The following CPEB3 variants were observed in gnomAD, a reference collection of about 807,000 sequenced individuals.
CPEB3 encodes cytoplasmic polyadenylation element binding protein 3.
A neutral mutation model predicts 67.2 loss-of-function variants in CPEB3; 20 were observed. The ratio of observed to expected loss-of-function variants is 0.30; its 90% confidence interval spans 0.21 to 0.43. The LOEUF (loss-of-function observed/expected upper bound fraction) is 0.43, where lower values mean the gene tolerates loss of function less well. CPEB3 is among the 20% of genes least tolerant of loss of function. CPEB3 has a pLI of 1.00. For missense variants in CPEB3, 746 were observed against 968.6 expected, an observed-to-expected ratio of 0.77 and a Z score of 3.05; for synonymous variants, 376 against 393.1, an observed-to-expected ratio of 0.96 and a Z score of 0.51.
chr10:92,237,438 T>C (rs752315009), intron 2 of CPEB3, among the ~76,000 whole-genome samples: 16 of 152,226 alleles, frequency 1.1e-4, no homozygotes, highest in Non-Finnish European at 1.5e-4. Context: ...ATTAGCATCA[T>C]TGGTGAATGG....
At chr10:92,276,654 T>C (rs994094857) in intron 1 of CPEB3, among the ~76,000 whole-genome samples, 7 of 152,208 alleles carry the variant, frequency 4.6e-5, no homozygotes, top group Admixed American at 3.3e-4. Context: ...AAAACATTCA[T>C]GTACAAGTGT....
chr10:92,289,732 A>AAATATAT, intron 1 of CPEB3, among the ~76,000 whole-genome samples: 9 of 75,766 alleles, frequency 1.2e-4, no homozygotes, highest in South Asian at 7.4e-4. Context: ...AAAAAAAAAA[A>AAATATAT]ATATATATAT....
At chr10:92,184,604 A>AAAAAG (rs777546033) in intron 3 of CPEB3, among the ~76,000 whole-genome samples, 2 of 152,130 alleles carry the variant, frequency 1.3e-5, no homozygotes, top group South Asian at 4.1e-4. Flanking sequence ...ACTCTGTCTC[A>AAAAAG]AAAAGAAAAG....
intron 2 of CPEB3, among the ~76,000 whole-genome samples, chr10:92,207,033 T>C (rs896939603): frequency 6.6e-6 from 1 of 152,156 alleles, no homozygotes; most frequent in Non-Finnish European, 1.5e-5. Context: ...TCACCCAGGC[T>C]GGAGTACAGT....
intron 9 of CPEB3, among the ~76,000 whole-genome samples, chr10:92,054,895 T>C (rs1236989119): frequency 6.6e-6 from 1 of 152,228 alleles, no homozygotes; most frequent in Admixed American, 6.5e-5. Context: ...ATGTAAAGTA[T>C]ATCCATTGCA....
At chr10:92,167,970 C>T (rs1037347931) in intron 4 of CPEB3, among the ~76,000 whole-genome samples, 6 of 151,826 alleles carry the variant, frequency 4.0e-5, no homozygotes, top group Non-Finnish European at 5.9e-5. Flanking sequence ...ATCACCATAA[C>T]AGATATAGTA....
At position 92,048,913 on chromosome 10, in the gene CPEB3, T is replaced by C. The variant is rs923019824; in HGVS notation, c.*3299A>G. 6.6e-6 allele frequency: 1 copy of C among 152,622 alleles called. No individual in the cohort carries two copies. The highest frequency in any genetic ancestry group is 2.4e-5 in the African/African-American group (1 of 41,452). The allele number at this position is 152,622 out of a possible 1,614,324, so 9.5% of individuals were successfully genotyped here. A position where few individuals can be genotyped will look rare whatever the true frequency, so the allele number is the denominator to read the frequency against. On this transcript the variant is annotated 3_prime_UTR_variant, in exon 10 of 10. Transcript: ENST00000265997. The surrounding 1 kb of genome is among the most constrained non-coding windows in gnomAD (Gnocchi z 4.1). ...AAAATACAAAATAATATTATGACAT[T>C]GACCAGATATGAAAGTCCCTCCCAG...
intron 4 of CPEB3, among the ~76,000 whole-genome samples, chr10:92,169,591 T>G (rs1847911803): frequency 6.6e-6 from 1 of 152,202 alleles, no homozygotes; most frequent in Admixed American, 6.5e-5. Context: ...TCTCCCACAG[T>G]GGCACTTAAA....
intron 9 of CPEB3, among the ~76,000 whole-genome samples, chr10:92,057,126 C>G (rs146932484): frequency 2.0e-5 from 3 of 152,154 alleles, no homozygotes; most frequent in African/African-American, 4.8e-5. Context: ...GGTACCAGTA[C>G]GGCCACAGTT....
In CPEB3 at chr10:92,081,125, G is replaced by A. The variant is rs566064366; in HGVS notation, c.1869+195C>T. On this transcript the variant is annotated intron_variant, in intron 9 of 9. Coordinates refer to ENST00000265997, the MANE Select transcript of CPEB3 (RefSeq NM_014912.5). ...AAGTGTAACATCACTCTGGGGATGG[G>A]TGAGGCAGAAGATTCCTTAATGCCT... 3.9e-5 allele frequency among the ~76,000 whole-genome samples: 6 copies of A among 152,222 alleles called. No homozygotes were observed. The East Asian group carries it at 1.2e-3, about 29-fold the overall frequency.
chr10:92,239,764 G>T lies in CPEB3; in HGVS notation c.587C>A (p.Pro196His). ...CCTCTGCGCGTAGGGCGCCTGGCTG[G>T]GGCTGGCGGGTGAGCGGCGCTGCTG... ...PPQQRRSPAS[P>H]SQAPYAQRSA... Residue 196 changes from proline to histidine, a missense_variant, in exon 2 of 10, where the codon CCC becomes CAC. By Grantham distance (77) the Pro-to-His change is moderately conservative. Transcript: ENST00000265997. This position sits in a 1 kb window ranked among gnomAD's most constrained non-coding sequence, Gnocchi z 6.0. 1 of 1,440,750 alleles carries T rather than the reference G, an allele frequency of 6.9e-7. No homozygotes were observed. Among genetic ancestry groups the T allele is most frequent in the Non-Finnish European group, 9.1e-7 (1 of 1,104,730 alleles). The allele number at this position is 1,440,750 out of a possible 1,614,324, so 89.2% of individuals were successfully genotyped here.
In CPEB3 at chr10:92,232,068, T is replaced by C. The variant is rs374892639; in HGVS notation, c.1005+7278A>G. Reference sequence around the variant, plus strand: ...ACAAAGCATAATTTTTTTTTTTTTTTTGAGAGGGAGTTTCACTCTTGTCAT... The same window carrying C: ...ACAAAGCATAATTTTTTTTTTTTTTCTGAGAGGGAGTTTCACTCTTGTCAT... On this transcript the variant is annotated intron_variant, in intron 2 of 9. Coordinates refer to ENST00000265997, the MANE Select transcript of CPEB3 (RefSeq NM_014912.5). Among the ~76,000 whole-genome samples, 320 of 151,396 alleles carry C rather than the reference T, an allele frequency of 2.1e-3. 3 individuals are homozygous for C. In the East Asian group the frequency reaches 0.023, roughly 11 times the overall value.
At chr10:92,255,703 ATGT>A (rs1057296992) in intron 1 of CPEB3, among the ~76,000 whole-genome samples, 5 of 152,314 alleles carry the variant, frequency 3.3e-5, no homozygotes, top group African/African-American at 1.2e-4. Flanking sequence ...TAGTTAATAA[ATGT>A]TGTTTTAAGC....
intron 1 of CPEB3, among the ~76,000 whole-genome samples, chr10:92,244,531 G>C (rs1007452813): frequency 2.6e-4 from 39 of 151,094 alleles, no homozygotes; most frequent in Admixed American, 2.6e-4. Context: ...TCTGCCTCCT[G>C]GGTTCAAGCG....
At chr10:92,291,228 C>G, upstream of CPEB3, 1 of 536,048 alleles carries the variant, frequency 1.9e-6, no homozygotes, top group Non-Finnish European at 3.3e-6. Context: ...TGGACCGGAA[C>G]CTCGGGCCGA....
At chr10:92,191,151 C>T (rs1018042194) in intron 3 of CPEB3, among the ~76,000 whole-genome samples, 1 of 152,016 alleles carries the variant, frequency 6.6e-6, no homozygotes, top group Admixed American at 6.6e-5. Flanking sequence ...GTGGCACTCC[C>T]AGCACTTTGG....
At chr10:92,163,599 C>A (rs1847601926) in intron 4 of CPEB3, among the ~76,000 whole-genome samples, 2 of 152,092 alleles carry the variant, frequency 1.3e-5, no homozygotes, top group South Asian at 4.1e-4. Context: ...TGGGTTAAGA[C>A]CTTAAAGTTT....
chr10:92,187,589 A>G (rs1017612989), intron 3 of CPEB3, among the ~76,000 whole-genome samples: 1 of 152,162 alleles, frequency 6.6e-6, no homozygotes, highest in Non-Finnish European at 1.5e-5. Flanking sequence ...TTTCCTTACT[A>G]TCCTTCTAGA....
intron 2 of CPEB3, among the ~76,000 whole-genome samples, chr10:92,237,113 A>C (rs1287271397): frequency 2.6e-5 from 4 of 152,204 alleles, no homozygotes; most frequent in Non-Finnish European, 5.9e-5. Context: ...AAAATTCTGC[A>C]CACAAGACTC....
Sources: gnomAD v4.1 joint callset for allele counts (sites outside exome capture counted in the v4.1 genomes callset) on GRCh38, gnomAD v4.1.1 for gene constraint, Gnocchi (gnomAD v3.1) non-coding constraint, MANE v1.5 for transcripts, NCBI Gene and HGNC (gene_info 2026-07-23, HGNC 2026-07-21) for gene names.